Variants in KCND2 observed in about 807,000 individuals in gnomAD.
KCND2 encodes the protein potassium voltage-gated channel subfamily D member 2, also known as A-type voltage-gated potassium channel KCND2.
A neutral mutation model predicts 54.4 loss-of-function variants in KCND2; 16 were observed. That is an observed-to-expected ratio of 0.29 (90% CI 0.20 to 0.45). The LOEUF (loss-of-function observed/expected upper bound fraction) is 0.45. Ranked by LOEUF, KCND2 falls within the 20% of genes least tolerant of loss-of-function variation. The pLI, the probability that KCND2 is intolerant of heterozygous loss-of-function variation, is 1.00. For missense variants in KCND2, 486 were observed against 824.2 expected (o/e 0.59, Z 5.02); for synonymous variants, 317 against 310.7 (o/e 1.02, Z -0.21).
At chr7:120,366,752 T>G (rs993659842) in intron 1 of KCND2, among the ~76,000 whole-genome samples, 2 of 152,038 alleles carry the variant, frequency 1.3e-5, no homozygotes, top group African/African-American at 4.8e-5. Flanking sequence ...TACCTGAACA[T>G]TGTCTATTCA....
At chr7:120,512,948 C>T (rs142707753) in intron 1 of KCND2, among the ~76,000 whole-genome samples, 15 of 151,894 alleles carry the variant, frequency 9.9e-5, no homozygotes, top group African/African-American at 3.6e-4. Context: ...GCATGCACCA[C>T]CATGCTGAGC....
intron 1 of KCND2, among the ~76,000 whole-genome samples, chr7:120,585,376 G>A (rs1792583902): frequency 6.6e-6 from 1 of 152,076 alleles, no homozygotes; most frequent in South Asian, 2.1e-4. Flanking sequence ...TGACAAAGGA[G>A]TTTGATATGG....
chr7:120,653,338 A>T (rs1427616246), intron 1 of KCND2, among the ~76,000 whole-genome samples: 1 of 151,842 alleles, frequency 6.6e-6, no homozygotes, highest in African/African-American at 2.4e-5. Context: ...AGGCCACCAC[A>T]TCGGGCCCCT....
At chr7:120,662,092 A>G (rs1223791338) in intron 1 of KCND2, among the ~76,000 whole-genome samples, 1 of 152,144 alleles carries the variant, frequency 6.6e-6, no homozygotes, top group Non-Finnish European at 1.5e-5. Flanking sequence ...GTCAGGCAAA[A>G]CTTATATTAA....
chr7:120,694,777 C>G (rs1403600060), intron 1 of KCND2, among the ~76,000 whole-genome samples: 1 of 152,166 alleles, frequency 6.6e-6, no homozygotes, highest in Non-Finnish European at 1.5e-5. Context: ...ATGACCTAGA[C>G]TACCACTACT....
intron 2 of KCND2, among the ~76,000 whole-genome samples, chr7:120,735,884 TA>T (rs1220949547): frequency 6.6e-6 from 1 of 152,024 alleles, no homozygotes; most frequent in Non-Finnish European, 1.5e-5. Context: ...GGATATGAAC[TA>T]AATAAGTTAC....
intron 1 of KCND2, among the ~76,000 whole-genome samples, chr7:120,357,636 C>T (rs545789146): frequency 6.6e-6 from 1 of 151,484 alleles, no homozygotes; most frequent in South Asian, 2.1e-4. Context: ...TAAATACAGG[C>T]AGTATATTAT....
intron 1 of KCND2, among the ~76,000 whole-genome samples, chr7:120,385,813 C>G (rs1430449298): frequency 6.6e-6 from 1 of 152,040 alleles, no homozygotes; most frequent in African/African-American, 2.4e-5. Flanking sequence ...TTGTAGGATC[C>G]TCCTTCACTG....
intron 1 of KCND2, among the ~76,000 whole-genome samples, chr7:120,389,173 T>A (rs977376084): frequency 1.3e-5 from 2 of 151,912 alleles, no homozygotes; most frequent in Non-Finnish European, 2.9e-5. Context: ...GCGCTTTTGG[T>A]AGGATAGGCT....
chr7:120,735,822 G>A (rs1792862985), intron 2 of KCND2, among the ~76,000 whole-genome samples: 1 of 152,026 alleles, frequency 6.6e-6, no homozygotes, highest in Admixed American at 6.6e-5. Flanking sequence ...AATATGTCCA[G>A]TATGTAGACT....
At chr7:120,739,573 AT>A (rs1792914335) in intron 2 of KCND2, among the ~76,000 whole-genome samples, 1 of 151,976 alleles carries the variant, frequency 6.6e-6, no homozygotes, top group Non-Finnish European at 1.5e-5. Flanking sequence ...TTTTCTCATC[AT>A]TTATAAATAT....
At chr7:120,344,951 A>G (rs1400548623) in intron 1 of KCND2, among the ~76,000 whole-genome samples, 1 of 152,206 alleles carries the variant, frequency 6.6e-6, no homozygotes, top group African/African-American at 2.4e-5. Context: ...TGGACAATAA[A>G]TGCAATAAAT....
intron 1 of KCND2, among the ~76,000 whole-genome samples, chr7:120,689,062 C>T (rs1306191893): frequency 6.6e-6 from 1 of 152,130 alleles, no homozygotes; most frequent in Non-Finnish European, 1.5e-5. Flanking sequence ...CTTTAGAGAG[C>T]CTTATCATGG....
chr7:120,623,496 T>A (rs1203752391), intron 1 of KCND2, among the ~76,000 whole-genome samples: 1 of 152,190 alleles, frequency 6.6e-6, no homozygotes, highest in African/African-American at 2.4e-5. Flanking sequence ...TCCAACTTCA[T>A]ACCTAGGGAT....
intron 1 of KCND2, among the ~76,000 whole-genome samples, chr7:120,534,774 T>TA (rs892239886): frequency 1.3e-4 from 19 of 151,758 alleles, no homozygotes; most frequent in African/African-American, 3.6e-4. Flanking sequence ...TACTCTCAAA[T>TA]AAAAAAAAGG....
intron 1 of KCND2, among the ~76,000 whole-genome samples, chr7:120,493,574 T>G (rs1331630687): frequency 6.6e-6 from 1 of 152,096 alleles, no homozygotes; most frequent in Non-Finnish European, 1.5e-5. Context: ...AATAGGCATT[T>G]CCTTTTCACA....
chr7:120,387,333 G>A (rs1017311908), intron 1 of KCND2, among the ~76,000 whole-genome samples: 5 of 151,870 alleles, frequency 3.3e-5, no homozygotes, highest in African/African-American at 9.7e-5. Context: ...TGTTTTGCCC[G>A]TTAAAGGAGG....
chr7:120,614,386 A>G (rs1288269580), intron 1 of KCND2, among the ~76,000 whole-genome samples: 1 of 152,206 alleles, frequency 6.6e-6, no homozygotes, highest in East Asian at 1.9e-4. Flanking sequence ...AACTCCAATG[A>G]AGAGTTATTT....
At chr7:120,404,768 G>A (rs935248020) in intron 1 of KCND2, among the ~76,000 whole-genome samples, 2 of 66,144 alleles carry the variant, frequency 3.0e-5, no homozygotes, top group East Asian at 1.8e-3. Context: ...CTGATTTTTG[G>A]GGGGGGACCT....
Sources: gnomAD v4.1 joint callset for allele counts (sites outside exome capture counted in the v4.1 genomes callset) on GRCh38, gnomAD v4.1.1 for gene constraint, MANE v1.5 for transcripts, NCBI Gene and HGNC (gene_info 2026-07-23, HGNC 2026-07-21) for gene names.